Variants in ATP6V0C observed in about 807,000 individuals in gnomAD.
The protein encoded by ATP6V0C is V-type proton ATPase 16 kDa proteolipid subunit c.
ATP6V0C carries 2 observed loss-of-function variants against 10.6 expected under a neutral mutation model. The ratio of observed to expected loss-of-function variants is 0.19; its 90% CI spans 0.08 to 0.59. ATP6V0C has a LOEUF of 0.59. Among genes scored for constraint, ATP6V0C ranks in the 20% least tolerant of loss-of-function variants. The probability of loss-of-function intolerance (pLI) is 0.90; values close to 1 mark genes in which losing one functional copy is unlikely to be tolerated. For missense variants in ATP6V0C, 89 were observed against 225.9 expected (o/e 0.39, Z 3.88); for synonymous variants, 128 against 101.3 (o/e 1.26, Z -1.59).
At position 2,519,342 on chromosome 16, in the gene ATP6V0C, C is replaced by T. The variant is rs375160701; in HGVS notation, c.204C>T (p.Tyr68=). The change falls in exon 2 of 3, where the codon TAC becomes TAT. Residue 68 remains tyrosine, a synonymous_variant. Coordinates refer to ENST00000330398, the MANE Select transcript of ATP6V0C (RefSeq NM_001694.4). ...TCATGGCTGGCATCATCGCCATCTA[C>T]GGCCTGGTGGTGGCAGTCCTCATCG... The part of the protein sequence containing the change: ...PVVMAGIIAI[Y]GLVVAVLIAN... 146 of 1,614,044 alleles carry T rather than the reference C, an allele frequency of 9.0e-5. No homozygotes were observed. The highest frequency in any genetic ancestry group is 1.1e-4 in the Non-Finnish European group (126 of 1,179,990).
Position 2,519,151 on chromosome 16 carries a change from C to T in ATP6V0C, c.80-67C>T, listed in dbSNP as rs999717849. On this transcript the variant is annotated intron_variant, in intron 1 of 2. Coordinates refer to ENST00000330398, the MANE Select transcript of ATP6V0C (RefSeq NM_001694.4). Reference sequence around the variant, plus strand: ...GGCCCTTGGAGCTGTGCCAAAGCTACACCTCGGGGTCCTAGTCTCAACTGG... The same window carrying T: ...GGCCCTTGGAGCTGTGCCAAAGCTATACCTCGGGGTCCTAGTCTCAACTGG... 3 of 1,483,496 alleles carry T rather than the reference C, an allele frequency of 2.0e-6. No individual in the cohort carries two copies. In the African/African-American group the frequency reaches 4.2e-5, roughly 21 times the overall value. The allele number at this position is 1,483,496 out of a possible 1,614,324, so 91.9% of individuals were successfully genotyped here. A position where few individuals can be genotyped will look rare whatever the true frequency, so the allele number is the denominator to read the frequency against.
chr16:2,517,677 CCT>C (rs1470287565), intron 1 of ATP6V0C: 1 of 152,014 alleles, frequency 6.6e-6, no homozygotes, highest in Admixed American at 6.6e-5. Context: ...GTCCCTTCCA[CCT>C]CTGACATATG....
Position 2,518,947 on chromosome 16 carries a change from C to T in ATP6V0C, c.80-271C>T, listed in dbSNP as rs1035766483. 1.4e-4 allele frequency: 63 copies of T among 450,898 alleles called. 1 individual carries two copies. The East Asian group carries it at 2.0e-3, about 14-fold the overall frequency. The allele number at this position is 450,898 out of a possible 1,614,324, so 27.9% of individuals were successfully genotyped here. A position where few individuals can be genotyped will look rare whatever the true frequency, so the allele number is the denominator to read the frequency against. ...GCCAGGAGCCCCAGATGGGTCACGC[C>T]GCCCCAAGAGCTGCTGCTGGAGGAA... On this transcript the variant is annotated intron_variant, in intron 1 of 2. Coordinates refer to ENST00000330398, the MANE Select transcript of ATP6V0C (RefSeq NM_001694.4).
chr16:2,514,322 G>C, intron 1 of ATP6V0C, 140 bp downstream of exon 1: 1 of 918,124 alleles, frequency 1.1e-6, no homozygotes, highest in Non-Finnish European at 1.5e-6. Flanking sequence ...GTGACAGCGG[G>C]CGGGGGTCGG....
chr16:2,519,231 C>T lies in ATP6V0C; in HGVS notation c.93C>T (p.Ala31=), dbSNP rs1286213959. 6.2e-7 allele frequency: 1 copy of T among 1,612,916 alleles called. No individual in the cohort carries two copies. Among genetic ancestry groups the T allele is most frequent in the Non-Finnish European group, 8.5e-7 (1 of 1,179,314 alleles). The part of the protein sequence containing the change: ...AAMVFSALGA[A]YGTAKSGTGI... The stretch of plus-strand genomic sequence containing the variant: ...TTCCTCCCACAGCCCTGGGCGCTGC[C>T]TATGGCACAGCCAAGAGCGGTACCG... Residue 31 remains alanine, a synonymous_variant, in exon 2 of 3, where the codon GCC becomes GCT. Transcript: ENST00000330398.
intron 2 of ATP6V0C, 60 bp from the exon 3 acceptor site, chr16:2,519,481 G>C: frequency 1.9e-6 from 3 of 1,550,436 alleles, no homozygotes; most frequent in Non-Finnish European, 1.7e-6. Context: ...TGGTGACCCG[G>C]ACCCTTGTCT....
intron 1 of ATP6V0C, 108 bp downstream of exon 1, chr16:2,514,290 G>A: frequency 8.1e-7 from 1 of 1,232,976 alleles, no homozygotes; most frequent in Non-Finnish European, 1.1e-6. Context: ...ATCCCGAGCT[G>A]TCGGGGGCGC....
intron 1 of ATP6V0C, among the ~76,000 whole-genome samples, chr16:2,514,649 G>T (rs1278779963): frequency 6.6e-6 from 1 of 152,180 alleles, no homozygotes; most frequent in Non-Finnish European, 1.5e-5. Flanking sequence ...CTTTCCGGCT[G>T]GTGGGGAGCC....
chr16:2,514,151 C>A lies in ATP6V0C; in HGVS notation c.48C>A (p.Val16=), dbSNP rs1186232957. 2 of 1,588,722 alleles carry A rather than the reference C, an allele frequency of 1.3e-6. No homozygotes were observed. Among genetic ancestry groups the A allele is most frequent in the Non-Finnish European group, 1.7e-6 (2 of 1,168,626 alleles). ...CCGAGTATGCTTCGTTTTTCGCCGT[C>A]ATGGGCGCCTCGGCCGCCATGGTCT... ...SGPEYASFFA[V]MGASAAMVFS... Residue 16 remains valine (V), a synonymous_variant, in exon 1 of 3, where the codon GTC becomes GTA. Transcript: ENST00000330398.
chr16:2,514,192 G>T lies in ATP6V0C; in HGVS notation c.79+10G>T. 1 of 1,546,738 alleles carries T rather than the reference G, an allele frequency of 6.5e-7. No individual in the cohort carries two copies. Among genetic ancestry groups the T allele is most frequent in the Non-Finnish European group, 8.7e-7 (1 of 1,146,548 alleles). ...GCCATGGTCTTCAGCGGTGAGCGCG[G>T]CGGCGGGAGGGACTCGGGGGCGGGG... is the stretch of plus-strand genomic sequence containing the variant. On this transcript the variant is annotated intron_variant, in intron 1 of 2. Transcript: ENST00000330398.
chr16:2,514,717 C>T (rs2065868604), intron 1 of ATP6V0C, among the ~76,000 whole-genome samples: 1 of 152,194 alleles, frequency 6.6e-6, no homozygotes, highest in Admixed American at 6.5e-5. Flanking sequence ...CCCCGAGGGT[C>T]AGGTGGGTCT....
chr16:2,514,471 G>T (rs2065866842), intron 1 of ATP6V0C: 1 of 163,842 alleles, frequency 6.1e-6, no homozygotes, highest in African/African-American at 2.4e-5. Context: ...CGGCGGCGCC[G>T]CTGCCATATT....
chr16:2,519,168 C>G (rs2141892728), intron 1 of ATP6V0C, 50 bp from the exon 2 acceptor site: 1 of 1,536,392 alleles, frequency 6.5e-7, no homozygotes, highest in East Asian at 2.3e-5. Context: ...GGGTCCTAGT[C>G]TCAACTGGCC....
intron 1 of ATP6V0C, among the ~76,000 whole-genome samples, chr16:2,514,550 C>A (rs1012320434): frequency 2.6e-5 from 4 of 151,576 alleles, no homozygotes; most frequent in African/African-American, 4.8e-5. Flanking sequence ...GGGGCCGATT[C>A]TGCGGGCAGG....
chr16:2,519,055 T>G (rs2141892582), intron 1 of ATP6V0C, 163 bp from the exon 2 acceptor site: 1 of 770,054 alleles, frequency 1.3e-6, no homozygotes, highest in South Asian at 2.1e-5. Flanking sequence ...CCGTGGCTGT[T>G]CCTCCTGGGT....
intron 1 of ATP6V0C, among the ~76,000 whole-genome samples, chr16:2,518,602 G>A (rs1285234829): frequency 6.6e-6 from 1 of 152,250 alleles, no homozygotes; most frequent in Non-Finnish European, 1.5e-5. Flanking sequence ...CTGTGTGGCT[G>A]AGGGTGCTGA....
chr16:2,518,266 G>A (rs2065886799), intron 1 of ATP6V0C, among the ~76,000 whole-genome samples: 1 of 152,252 alleles, frequency 6.6e-6, no homozygotes. Context: ...TCTCCACTTT[G>A]AGAATAGGGC....
chr16:2,516,787 T>G (rs2065879119), intron 1 of ATP6V0C: 1 of 152,584 alleles, frequency 6.6e-6, no homozygotes, highest in Non-Finnish European at 1.5e-5. Flanking sequence ...TGCAACTGCT[T>G]TCTGGCCCCC....
intron 1 of ATP6V0C, among the ~76,000 whole-genome samples, chr16:2,518,370 C>T (rs1007451760): frequency 6.6e-6 from 1 of 152,252 alleles, no homozygotes; most frequent in East Asian, 1.9e-4. Flanking sequence ...GAGCCCAGCC[C>T]ACCAGCACTG....
Sources: allele counts gnomAD v4.1 joint callset (sites outside exome capture counted in the v4.1 genomes callset), GRCh38; gene constraint gnomAD v4.1.1; transcripts MANE v1.5; gene names NCBI Gene and HGNC (gene_info 2026-07-23, HGNC 2026-07-21).